FBP2: variants seen among roughly 807,000 people sequenced by gnomAD.
FBP2 encodes fructose-1,6-bisphosphatase isozyme 2.
In FBP2, 27 loss-of-function variants were observed where a neutral mutation model predicts 31.6. The ratio of observed to expected loss-of-function variants is 0.85; its 90% confidence interval spans 0.63 to 1.18. The LOEUF (loss-of-function observed/expected upper bound fraction) is 1.18. Ranked by LOEUF, FBP2 falls within the 50% of genes most tolerant of loss-of-function variation. The pLI is 0.00. For missense variants in FBP2, 421 were observed against 436.1 expected (o/e 0.97, Z 0.31); for synonymous variants, 168 against 179.8 (o/e 0.93, Z 0.53).
chr9:94,586,190 C>T (rs1186874382), intron 2 of FBP2, among the ~76,000 whole-genome samples: 2 of 152,124 alleles, frequency 1.3e-5, no homozygotes, highest in African/African-American at 4.8e-5. Flanking sequence ...GCCTGGCCAA[C>T]ATGGCGAAAC....
chr9:94,562,107 C>G (rs184165606), intron 6 of FBP2, among the ~76,000 whole-genome samples: 37 of 151,982 alleles, frequency 2.4e-4, no homozygotes, highest in East Asian at 1.6e-3. Context: ...GTCAGGAGAT[C>G]GAGACCATCC....
At chr9:94,582,845 G>GC (rs1220266900) in intron 3 of FBP2, among the ~76,000 whole-genome samples, 11 of 136,802 alleles carry the variant, frequency 8.0e-5, no homozygotes, top group Admixed American at 2.2e-4. Context: ...ACCCTTCCCA[G>GC]CCCCCTTTTT....
intron 5 of FBP2, 96 bp downstream of exon 5, chr9:94,567,174 C>T (rs774774062): frequency 2.3e-6 from 3 of 1,290,658 alleles, no homozygotes; most frequent in Non-Finnish European, 2.2e-6. Context: ...AACAGTGGCA[C>T]CAACCTCTTT....
chr9:94,563,446 A>T lies in FBP2; in HGVS notation c.721T>A (p.Tyr241Asn). 1.2e-6 allele frequency: 2 copies of T among 1,613,854 alleles called. No homozygotes were observed. The highest frequency in any genetic ancestry group is 1.7e-6 in the Non-Finnish European group (2 of 1,179,802). Reference sequence around the variant, plus strand: ...ATGGAGCCCACATACCTGGCCCCATAGGGAGCACTGCCATCCTAGAAGACA... The same window carrying T: ...ATGGAGCCCACATACCTGGCCCCATTGGGAGCACTGCCATCCTAGAAGACA... ...KKFPEDGSAP[Y>N]GARYVGSMVA... The change falls in exon 6 of 7, where the codon TAT becomes AAT. Residue 241 changes from tyrosine to asparagine, a missense_variant. Transcript: ENST00000375337.
intron 1 of FBP2, among the ~76,000 whole-genome samples, chr9:94,590,635 G>A (rs1203718085): frequency 6.6e-6 from 1 of 152,178 alleles, no homozygotes; most frequent in African/African-American, 2.4e-5. Context: ...TTCGCGGTGA[G>A]TGTTACAGAT....
intron 3 of FBP2, among the ~76,000 whole-genome samples, chr9:94,578,142 G>A (rs1287812115): frequency 6.6e-6 from 1 of 152,190 alleles, no homozygotes; most frequent in East Asian, 1.9e-4. Context: ...AAGTGTCAGG[G>A]TTTGGCGCAA....
At chr9:94,579,210 A>T (rs1021986305) in intron 3 of FBP2, among the ~76,000 whole-genome samples, 1 of 150,174 alleles carries the variant, frequency 6.7e-6, no homozygotes, top group Non-Finnish European at 1.5e-5. Context: ...CATCCTGGCT[A>T]ACATGGTGAA....
chr9:94,563,861 C>T (rs1361341927), intron 5 of FBP2, among the ~76,000 whole-genome samples: 1 of 152,152 alleles, frequency 6.6e-6, no homozygotes, highest in Middle Eastern at 3.2e-3. Context: ...ACAAAATAGA[C>T]TTTAAACCAA....
chr9:94,592,679 C>T (rs1054364195), intron 1 of FBP2, among the ~76,000 whole-genome samples: 5 of 152,178 alleles, frequency 3.3e-5, no homozygotes, highest in Admixed American at 2.0e-4. Context: ...GGACTACAGG[C>T]GCCCGCCACC....
At chr9:94,567,564 G>A (rs1827209785) in intron 4 of FBP2, 157 bp from the exon 5 acceptor site, 1 of 762,198 alleles carries the variant, frequency 1.3e-6, no homozygotes, top group African/African-American at 1.7e-5. Flanking sequence ...GTTTTCATGA[G>A]TGGTGGGAAG....
intron 3 of FBP2, among the ~76,000 whole-genome samples, chr9:94,572,376 G>T (rs1161816698): frequency 1.3e-5 from 2 of 152,020 alleles, no homozygotes; most frequent in Non-Finnish European, 2.9e-5. Context: ...TCATAGATTA[G>T]TGATTCAAAC....
intron 6 of FBP2, among the ~76,000 whole-genome samples, chr9:94,560,130 C>T (rs963772048): frequency 6.6e-6 from 1 of 152,150 alleles, no homozygotes; most frequent in East Asian, 1.9e-4. Context: ...GTCTCAAAAA[C>T]GAAGAAAGTG....
intron 1 of FBP2, among the ~76,000 whole-genome samples, chr9:94,590,000 G>A (rs927381179): frequency 1.2e-4 from 19 of 152,236 alleles, no homozygotes; most frequent in Non-Finnish European, 2.6e-4. Context: ...GGCCTGCGGT[G>A]GGCAGAGCTG....
rs1335716120 is a variant in FBP2 at position 94,558,966 on chromosome 9, C to T, written c.992G>A (p.Cys331Tyr). The change falls in exon 7 of 7, where the codon TGT (cysteine) becomes TAT (tyrosine). Residue 331 changes from cysteine (C) to tyrosine (Y), a missense_variant. Transcript: ENST00000375337. ...SPEDVQEYLT[C>Y]VQKNQAGS ...GCTGCCTGCCTGATTTTTCTGCACA[C>T]AGGTGAGATATTCCTGCACATCCTC... is the stretch of plus-strand genomic sequence containing the variant. The T allele has an allele frequency of 2.5e-6, 4 of 1,613,964 alleles. No individual in the cohort carries two copies. The highest frequency in any genetic ancestry group is 3.4e-6 in the Non-Finnish European group (4 of 1,180,020).
rs71366248 is a variant in FBP2 at position 94,582,351 on chromosome 9, C to CGTGT, written c.426+2222_426+2225dup. Among the ~76,000 whole-genome samples, 661 of 147,850 alleles carry CGTGT rather than the reference C, an allele frequency of 4.5e-3. 5 individuals are homozygous for CGTGT. Among genetic ancestry groups the CGTGT allele is most frequent in the African/African-American group, 0.015 (593 of 40,016 alleles). On this transcript the variant is annotated intron_variant, in intron 3 of 6. Coordinates refer to ENST00000375337, the MANE Select transcript of FBP2 (RefSeq NM_003837.4). ...AATCTGTTAAATATGTGTGTGTGTG[C>CGTGT]GTGTGTGTGTGTGTGTGTGTGTGTG... is the stretch of plus-strand genomic sequence containing the variant.
intron 2 of FBP2, among the ~76,000 whole-genome samples, chr9:94,585,618 T>G (rs1440253563): frequency 6.6e-6 from 1 of 152,116 alleles, no homozygotes; most frequent in African/African-American, 2.4e-5. Flanking sequence ...CAAAATTGTT[T>G]GTTTTCTTGT....
At chr9:94,587,600 G>T (rs979520248) in intron 1 of FBP2, 131 bp from the exon 2 acceptor site, 5 of 770,030 alleles carry the variant, frequency 6.5e-6, no homozygotes, top group Admixed American at 4.8e-5. Context: ...AGTCACACGT[G>T]CAGAAGAAGG....
At position 94,559,120 on chromosome 9, in the gene FBP2, A is replaced by G; in HGVS notation, c.838T>C (p.Tyr280His). The G allele has an allele frequency of 1.2e-6, 2 of 1,611,808 alleles. No homozygotes were observed. Among genetic ancestry groups the G allele is most frequent in the Non-Finnish European group, 8.5e-7 (1 of 1,178,816 alleles). The change falls in exon 7 of 7, where the codon TAT becomes CAT. Residue 280 changes from tyrosine (Y) to histidine (H), a missense_variant. By Grantham distance (83) the Tyr-to-His change is moderately conservative. Coordinates refer to ENST00000375337, the MANE Select transcript of FBP2 (RefSeq NM_003837.4). ...KSPKGKLRLL[Y>H]ECNPVAYIIE... ...ATGTAGGCCACGGGATTGCATTCAT[A>G]CAGGAGCCGGAGCTGTGGAGGAACA...
At chr9:94,592,726 G>A (rs13286145) in intron 1 of FBP2, among the ~76,000 whole-genome samples, 8,274 of 152,226 alleles carry the variant, frequency 0.054, 296 homozygotes, top group Non-Finnish European at 0.081. Flanking sequence ...GTAGAGACAG[G>A]GTTTCAACAT....
Sources: gnomAD v4.1 joint callset for allele counts (sites outside exome capture counted in the v4.1 genomes callset) on GRCh38, gnomAD v4.1.1 for gene constraint, MANE v1.5 for transcripts, NCBI Gene and HGNC (gene_info 2026-07-23, HGNC 2026-07-21) for gene names.